ALOXE3: variants seen among roughly 807,000 people sequenced by gnomAD.
The protein encoded by ALOXE3 is arachidonate epidermal lipoxygenase 3.
ALOXE3 carries 78 observed loss-of-function variants against 87.5 expected under a neutral mutation model. The ratio of observed to expected loss-of-function variants is 0.89; its 90% CI spans 0.74 to 1.08. The LOEUF (loss-of-function observed/expected upper bound fraction) is 1.08, where lower values mean the gene tolerates loss of function less well. Among genes scored for constraint, ALOXE3 ranks in the 50% least tolerant of loss-of-function variants. The probability of loss-of-function intolerance (pLI) is 0.00; values close to 1 mark genes in which losing one functional copy is unlikely to be tolerated. For missense variants in ALOXE3, 946 were observed against 912.4 expected, an observed-to-expected ratio of 1.04 and a Z score of -0.47; for synonymous variants, 363 against 370.8, an observed-to-expected ratio of 0.98 and a Z score of 0.24.
chr17:8,117,940 G>T lies in ALOXE3; in HGVS notation c.51C>A (p.Gly17=). The change falls in exon 2 of 16, where the codon GGC becomes GGA. Residue 17 remains glycine (G), a synonymous_variant. Coordinates refer to ENST00000448843, the MANE Select transcript of ALOXE3 (RefSeq NM_021628.3). The stretch of plus-strand genomic sequence containing the variant: ...GTGTGACAGAGATGTTGTCCAGTGT[G>T]CCGGCCCTCAGGTAGGGACCAGTGG... ...CVTTGPYLRA[G]TLDNISVTLV... The T allele has an allele frequency of 6.2e-7, 1 of 1,612,216 alleles. No individual in the cohort carries two copies. Among genetic ancestry groups the T allele is most frequent in the Non-Finnish European group, 8.5e-7 (1 of 1,179,636 alleles).
At position 8,104,261 on chromosome 17, in the gene ALOXE3, G is replaced by A. The variant is rs752242934; in HGVS notation, c.1685-46C>T. ...TAGAGGGTGTGGATGGAAGGTACTG[G>A]ATTCCTAGGGCCAGCTCAGGACTGG... On this transcript the variant is annotated intron_variant, in intron 13 of 15. Transcript: ENST00000448843. 4 of 1,456,250 alleles carry A rather than the reference G, an allele frequency of 2.7e-6. No individual in the cohort carries two copies. In the South Asian group the frequency reaches 4.6e-5, roughly 17 times the overall value. The allele number at this position is 1,456,250 out of a possible 1,614,324, so 90.2% of individuals were successfully genotyped here. A position where few individuals can be genotyped will look rare whatever the true frequency, so the allele number is the denominator to read the frequency against.
rs1433448616 is a variant in ALOXE3 at position 8,096,805 on chromosome 17, C to T, written c.1958G>A (p.Arg653Lys). 3 of 1,614,066 alleles carry T rather than the reference C, an allele frequency of 1.9e-6. No homozygotes were observed. The highest frequency in any genetic ancestry group is 2.5e-6 in the Non-Finnish European group (3 of 1,179,998). The change falls in exon 16 of 16, where the codon AGG becomes AAG. Residue 653 changes from arginine to lysine, a missense_variant and splice_region_variant. Coordinates refer to ENST00000448843, the MANE Select transcript of ALOXE3 (RefSeq NM_021628.3). ...CTCATCTGGGTAGGTGCCCAGGGGCCTCTGGGAGGACATCAGGTAAGAGGT... is the reference window on the plus strand; with the variant it reads ...CTCATCTGGGTAGGTGCCCAGGGGCTTCTGGGAGGACATCAGGTAAGAGGT... The part of the protein sequence containing the change: ...WLVSQEPKDQ[R>K]PLGTYPDEHF...
intron 15 of ALOXE3, 79 bp downstream of exon 15, chr17:8,103,244 A>T: frequency 6.5e-7 from 1 of 1,542,350 alleles, no homozygotes; most frequent in Non-Finnish European, 9.0e-7. Flanking sequence ...ATCAGTCCTC[A>T]AGCCCCCAGA....
At chr17:8,098,959 T>C (rs1451813831) in intron 15 of ALOXE3, among the ~76,000 whole-genome samples, 3 of 151,608 alleles carry the variant, frequency 2.0e-5, no homozygotes, top group Admixed American at 1.3e-4. Context: ...TAAGCAATCT[T>C]CCCACCTCAG....
chr17:8,117,158 T>C (rs1343858727), intron 2 of ALOXE3, among the ~76,000 whole-genome samples, 178 bp from the exon 3 acceptor site: 1 of 152,256 alleles, frequency 6.6e-6, no homozygotes, highest in Non-Finnish European at 1.5e-5. Context: ...GAGAGGTGGC[T>C]CACGCCTGTA....
chr17:8,111,954 G>T (rs1158805044), intron 7 of ALOXE3, 139 bp downstream of exon 7: 2 of 797,496 alleles, frequency 2.5e-6, no homozygotes, highest in African/African-American at 3.4e-5. Context: ...TGCCACCAGT[G>T]AAGCCAGGAG....
At chr17:8,115,769 C>T in intron 3 of ALOXE3, 81 bp from the exon 4 acceptor site, 2 of 1,392,496 alleles carry the variant, frequency 1.4e-6, no homozygotes, top group Non-Finnish European at 2.0e-6. Flanking sequence ...ACCCCCTGAC[C>T]CTTGAACCCA....
chr17:8,108,326 C>T, intron 13 of ALOXE3, 142 bp downstream of exon 13: 8 of 1,340,476 alleles, frequency 6.0e-6, no homozygotes, highest in Non-Finnish European at 8.1e-6. Flanking sequence ...CTTCTTTGTG[C>T]CTCTTTCCAT....
Position 8,111,420 on chromosome 17 carries a change from A to T in ALOXE3, c.896T>A (p.Val299Asp). 6.2e-7 allele frequency: 1 copy of T among 1,614,094 alleles called. No individual in the cohort carries two copies. Residue 299 changes from valine to aspartate, a missense_variant, in exon 8 of 16, where the codon GTC becomes GAC. Coordinates refer to ENST00000448843, the MANE Select transcript of ALOXE3 (RefSeq NM_021628.3). ...CISSLPSKLPVTNDMVAPLLG... is the reference protein window; with the variant it reads ...CISSLPSKLPDTNDMVAPLLG... Reference sequence around the variant, plus strand: ...CAAGGGGGCCACCATGTCATTGGTGACAGGCAGCTTGCTGGGCAAGCTAGA... The same window carrying T: ...CAAGGGGGCCACCATGTCATTGGTGTCAGGCAGCTTGCTGGGCAAGCTAGA...
chr17:8,117,511 G>A (rs1980702462), intron 2 of ALOXE3, among the ~76,000 whole-genome samples: 1 of 152,200 alleles, frequency 6.6e-6, no homozygotes, highest in Admixed American at 6.5e-5. Context: ...AGGCCACCTG[G>A]GGCTGGCAGA....
chr17:8,096,920 T>C (rs764637419), intron 15 of ALOXE3, 114 bp from the exon 16 acceptor site: 55 of 1,232,440 alleles, frequency 4.5e-5, no homozygotes, highest in Non-Finnish European at 5.5e-5. Flanking sequence ...CACAACCCAG[T>C]TGCAGCCATT....
rs80253931 is a variant in ALOXE3, at chr17:8,102,599, A to G, written c.1956+724T>C. ...CTCTGCTATTTCCATTTGTGATCCT[A>G]CAAACACACCAGTGATTTCTCGCCT... is the stretch of plus-strand genomic sequence containing the variant. On this transcript the variant is annotated intron_variant, in intron 15 of 15. Transcript: ENST00000448843. Among the ~76,000 whole-genome samples the G allele has an allele frequency of 3.1e-4, 47 of 152,278 alleles. 2 individuals carry two copies. The East Asian group carries it at 8.9e-3, about 29-fold the overall frequency.
upstream of ALOXE3, chr17:8,118,870 C>G: frequency 6.6e-7 from 1 of 1,519,274 alleles, no homozygotes; most frequent in Admixed American, 2.1e-5. Context: ...GGGGAGGAAC[C>G]TCTCAGAGAA....
At position 8,103,605 on chromosome 17, in the gene ALOXE3, G is replaced by A. The variant is rs541141845; in HGVS notation, c.1786-112C>T. The A allele has an allele frequency of 8.1e-5, 98 of 1,213,344 alleles. No homozygotes were observed. The African/African-American group carries it at 1.3e-3, about 16-fold the overall frequency. The allele number at this position is 1,213,344 out of a possible 1,614,324, so 75.2% of individuals were successfully genotyped here. A position where few individuals can be genotyped will look rare whatever the true frequency, so the allele number is the denominator to read the frequency against. On this transcript the variant is annotated intron_variant, in intron 14 of 15. Coordinates refer to ENST00000448843, the MANE Select transcript of ALOXE3 (RefSeq NM_021628.3). ...GTCCTAGAGGTGATAGTTGGGAAAT[G>A]AGGGGATCACGGAAAGGCAAGAGAG...
Position 8,109,493 on chromosome 17 carries a change from A to G in ALOXE3, c.1393-150T>C, listed in dbSNP as rs373920814. On this transcript the variant is annotated intron_variant, in intron 11 of 15. Transcript: ENST00000448843. The stretch of plus-strand genomic sequence containing the variant: ...TCAAATACCCACGAGGGCCTGCCTG[A>G]CGCAGGCTGCGCAGCTTGACGCCCC... The G allele has an allele frequency of 5.6e-6, 6 of 1,066,416 alleles. No homozygotes were observed. In the African/African-American group the frequency reaches 9.4e-5, roughly 17 times the overall value. The allele number at this position is 1,066,416 out of a possible 1,614,324, so 66.1% of individuals were successfully genotyped here.
chr17:8,118,591 C>A (rs1042476310), upstream of ALOXE3: 1 of 1,529,164 alleles, frequency 6.5e-7, no homozygotes, highest in Non-Finnish European at 8.8e-7. Flanking sequence ...GAGTCGCACA[C>A]GCATTCCAGC....
chr17:8,118,368 C>T lies in ALOXE3; in HGVS notation c.-313-65G>A, dbSNP rs1236587479. The T allele has an allele frequency of 1.9e-6, 3 of 1,551,560 alleles. No individual in the cohort carries two copies. In the Admixed American group the frequency reaches 5.9e-5, roughly 30 times the overall value. ...AGGTAACGCCTGTATAATTGGGACACTGCCCTCCGCCTGGTCAGCGGCCCG... is the reference window on the plus strand; with the variant it reads ...AGGTAACGCCTGTATAATTGGGACATTGCCCTCCGCCTGGTCAGCGGCCCG... On this transcript the variant is annotated intron_variant, in intron 1 of 15. Coordinates refer to ENST00000448843, the MANE Select transcript of ALOXE3 (RefSeq NM_021628.3).
chr17:8,116,835 T>C lies in ALOXE3; in HGVS notation c.293A>G (p.His98Arg), dbSNP rs978460024. The C allele has an allele frequency of 2.5e-6, 4 of 1,614,104 alleles. No individual in the cohort carries two copies. Among genetic ancestry groups the C allele is most frequent in the African/African-American group, 2.7e-5 (2 of 74,946 alleles). The stretch of plus-strand genomic sequence containing the variant: ...TTCAATCCACTGATAGCAGGGGAAG[T>C]GGGATACACTACCATCCGGTTCGGT... ...CVTEPDGSVS[H>R]FPCYQWIEGY... Residue 98 changes from histidine to arginine, a missense_variant, in exon 3 of 16, where the codon CAC (histidine) becomes CGC (arginine). Physicochemically the swap from His to Arg is conservative, Grantham distance 29. Coordinates refer to ENST00000448843, the MANE Select transcript of ALOXE3 (RefSeq NM_021628.3).
intron 15 of ALOXE3, among the ~76,000 whole-genome samples, chr17:8,101,077 G>T (rs1869468400): frequency 6.6e-6 from 1 of 151,332 alleles, no homozygotes; most frequent in Non-Finnish European, 1.5e-5. Flanking sequence ...GCCCAGGCTG[G>T]AGTTCAGTGG....
Sources: allele counts gnomAD v4.1 joint callset (sites outside exome capture counted in the v4.1 genomes callset), GRCh38; gene constraint gnomAD v4.1.1; transcripts MANE v1.5; gene names NCBI Gene and HGNC (gene_info 2026-07-23, HGNC 2026-07-21).